The following RGS6 variants were observed in gnomAD, a reference collection of about 807,000 sequenced individuals.
RGS6 encodes the protein regulator of G-protein signaling 6.
Under a neutral mutation model 78.5 loss-of-function variants are expected in RGS6, and 30 were observed. That is an observed-to-expected ratio of 0.38 (90% CI 0.29 to 0.52). The LOEUF (loss-of-function observed/expected upper bound fraction) is 0.52, where lower values mean the gene tolerates loss of function less well. Ranked by LOEUF, RGS6 falls within the 20% of genes least tolerant of loss-of-function variation. The probability of loss-of-function intolerance (pLI) is 0.85; values close to 1 mark genes in which losing one functional copy is unlikely to be tolerated. For synonymous variants in RGS6, 206 were observed against 206.0 expected (o/e 1.00, Z 0.00); for missense variants, 495 against 609.7 (o/e 0.81, Z 1.98).
the RGS6 span, chr14:71,908,159 T>C: frequency 6.6e-6 from 1 of 152,240 alleles, no homozygotes; most frequent in Non-Finnish European, 1.5e-5. Context: ...ACTTCTCTTT[T>C]TCCAGATAAT....
At chr14:72,223,140 C>G (rs1197832312) in intron 2 of RGS6, among the ~76,000 whole-genome samples, 2 of 152,146 alleles carry the variant, frequency 1.3e-5, no homozygotes, top group African/African-American at 4.8e-5. Context: ...CGTTAGACTT[C>G]ACAATGAGTG....
intron 2 of RGS6, among the ~76,000 whole-genome samples, chr14:71,968,714 T>C (rs17105061): frequency 0.077 from 11,793 of 152,256 alleles, 576 homozygotes; most frequent in East Asian, 0.21. Context: ...TACCACATTG[T>C]TGGAGCTGAG....
intron 2 of RGS6, among the ~76,000 whole-genome samples, chr14:72,066,543 C>G (rs1308490609): frequency 8.0e-6 from 1 of 125,196 alleles, no homozygotes; most frequent in African/African-American, 3.1e-5. Flanking sequence ...AATGTGGCAT[C>G]TTTCTCTTTT....
intron 3 of RGS6, among the ~76,000 whole-genome samples, chr14:72,435,162 A>G (rs1386620373): frequency 6.6e-6 from 1 of 152,224 alleles, no homozygotes; most frequent in South Asian, 2.1e-4. Flanking sequence ...TCCTTTTTGA[A>G]TCAGTTGCCA....
At chr14:72,394,600 G>A (rs2090753735) in intron 3 of RGS6, among the ~76,000 whole-genome samples, 1 of 152,164 alleles carries the variant, frequency 6.6e-6, no homozygotes, top group South Asian at 2.1e-4. Context: ...AGAGAAAGAT[G>A]GCTCTGTTCC....
At chr14:72,346,690 A>T (rs768423239) in intron 2 of RGS6, among the ~76,000 whole-genome samples, 11 of 152,204 alleles carry the variant, frequency 7.2e-5, no homozygotes, top group Non-Finnish European at 1.6e-4. Context: ...GGATGAGAAA[A>T]GTGAAGTCCA....
chr14:72,007,651 A>C (rs2084833290), intron 2 of RGS6, among the ~76,000 whole-genome samples: 1 of 152,112 alleles, frequency 6.6e-6, no homozygotes, highest in Non-Finnish European at 1.5e-5. Context: ...TATGTATCTC[A>C]GGGAAGCCAA....
intron 3 of RGS6, among the ~76,000 whole-genome samples, chr14:72,393,279 A>G (rs1382505835): frequency 6.6e-6 from 1 of 152,180 alleles, no homozygotes; most frequent in South Asian, 2.1e-4. Context: ...AATTTAGAAT[A>G]AAGGTATTTT....
rs1261508484 is a variant in RGS6 at position 72,563,045 on chromosome 14, T to C, written c.*578T>C. On this transcript the variant is annotated 3_prime_UTR_variant, in exon 18 of 18. Transcript: ENST00000553525. The stretch of plus-strand genomic sequence containing the variant: ...TCACGTAAAATGTCCAAATCACATC[T>C]TCAGCAAGAAAGCAACCTCACGGAT... 4.2e-6 allele frequency: 2 copies of C among 481,056 alleles called. No homozygotes were observed. The highest frequency in any genetic ancestry group is 3.9e-5 in the African/African-American group (2 of 51,244). 29.8% of individuals were successfully genotyped at this position (481,056 alleles called of 1,614,324 possible). A position where few individuals can be genotyped will look rare whatever the true frequency, so the allele number is the denominator to read the frequency against.
chr14:72,162,793 T>C (rs897187147), intron 2 of RGS6, among the ~76,000 whole-genome samples: 2 of 152,056 alleles, frequency 1.3e-5, no homozygotes, highest in African/African-American at 2.4e-5. Context: ...GAGATACACA[T>C]ATATATATAC....
At chr14:72,539,991 AT>A (rs374066126) in intron 16 of RGS6, 49 bp from the exon 17 acceptor site, 461 of 1,311,506 alleles carry the variant, frequency 3.5e-4, no homozygotes, top group Admixed American at 5.3e-4. Context: ...TAAGCTGAAG[AT>A]TTTTTTTTTC....
chr14:72,421,534 G>T (rs967361814), intron 3 of RGS6: 1 of 152,066 alleles, frequency 6.6e-6, no homozygotes, highest in Non-Finnish European at 1.5e-5. Flanking sequence ...TTTGAGAAAA[G>T]AGGATTTAGT....
intron 3 of RGS6, among the ~76,000 whole-genome samples, chr14:72,424,401 A>C (rs1032694722): frequency 5.3e-5 from 8 of 152,296 alleles, no homozygotes; most frequent in African/African-American, 1.9e-4. Flanking sequence ...GGGTCAGCAA[A>C]CTGAGGGCAT....
intron 3 of RGS6, among the ~76,000 whole-genome samples, chr14:72,408,885 G>T (rs1028610127): frequency 6.6e-6 from 1 of 152,134 alleles, no homozygotes; most frequent in African/African-American, 2.4e-5. Context: ...TGGACACCTG[G>T]GACACACCTT....
At chr14:72,371,934 T>C (rs1044249166) in intron 3 of RGS6, among the ~76,000 whole-genome samples, 1 of 152,194 alleles carries the variant, frequency 6.6e-6, no homozygotes. Context: ...TGGATTTCAC[T>C]GTATCATCGG....
chr14:72,489,936 A>G (rs2096555708), intron 12 of RGS6, among the ~76,000 whole-genome samples: 2 of 152,240 alleles, frequency 1.3e-5, no homozygotes, highest in African/African-American at 2.4e-5. Context: ...TTTCTTTTAT[A>G]AAGAATTCAA....
chr14:72,275,874 C>CTCACAGGA (rs1441334819), intron 2 of RGS6, among the ~76,000 whole-genome samples: 1 of 152,068 alleles, frequency 6.6e-6, no homozygotes, highest in Non-Finnish European at 1.5e-5. Flanking sequence ...TGGAGGGTAC[C>CTCACAGGA]TCACAGGAGA....
chr14:72,174,390 G>C (rs10146454), intron 2 of RGS6, among the ~76,000 whole-genome samples: 1 of 152,144 alleles, frequency 6.6e-6, no homozygotes, highest in African/African-American at 2.4e-5. Context: ...GAGCCACTGC[G>C]CCCGGTGACC....
chr14:72,005,014 C>T (rs2084240321), intron 2 of RGS6, among the ~76,000 whole-genome samples: 1 of 152,088 alleles, frequency 6.6e-6, no homozygotes, highest in African/African-American at 2.4e-5. Flanking sequence ...AGAAGTTTAT[C>T]CTGAGGAAAT....
Sources: allele counts gnomAD v4.1 joint callset (sites outside exome capture counted in the v4.1 genomes callset), GRCh38; gene constraint gnomAD v4.1.1; transcripts MANE v1.5; gene names NCBI Gene and HGNC (gene_info 2026-07-23, HGNC 2026-07-21).